The following RTTN variants were observed in gnomAD, a reference collection of about 807,000 sequenced individuals.
RTTN encodes rotatin.
Under a neutral mutation model 269.2 loss-of-function variants are expected in RTTN, and 182 were observed. The ratio of observed to expected loss-of-function variants is 0.68; its 90% confidence interval spans 0.60 to 0.76. The LOEUF (loss-of-function observed/expected upper bound fraction) is 0.76. Among genes scored for constraint, RTTN ranks in the 30% least tolerant of loss-of-function variants. The pLI, the probability that RTTN is intolerant of heterozygous loss-of-function variation, is 0.00. For synonymous variants in RTTN, 1,006 were observed against 963.5 expected (o/e 1.04, Z -0.82); for missense variants, 2,545 against 2,608.6 (o/e 0.98, Z 0.53).
chr18:70,189,537 C>A (rs968544082), intron 9 of RTTN, among the ~76,000 whole-genome samples: 11 of 152,108 alleles, frequency 7.2e-5, no homozygotes, highest in African/African-American at 2.7e-4. Context: ...TGACTGTTTT[C>A]TTTCTAAAAC....
At chr18:70,145,529 A>T (rs1320097863) in intron 18 of RTTN, 83 bp downstream of exon 18, 1 of 1,096,664 alleles carries the variant, frequency 9.1e-7, no homozygotes, top group East Asian at 2.6e-5. Context: ...GGACATACAC[A>T]AACTGAAGAA....
In RTTN at chr18:70,197,600, A is replaced by G. The variant is rs551371253; in HGVS notation, c.693+24T>C. 28 of 1,468,066 alleles carry G rather than the reference A, an allele frequency of 1.9e-5. No individual in the cohort carries two copies. In the Admixed American group the frequency reaches 2.9e-4, roughly 15 times the overall value. The allele number at this position is 1,468,066 out of a possible 1,614,324, so 90.9% of individuals were successfully genotyped here. ...CAAAAAGTTCTCTAGTTCAAAATCT[A>G]AAACAATTATAGAGGGCACTGACCT... On this transcript the variant is annotated intron_variant, in intron 6 of 48. Coordinates refer to ENST00000640769, the MANE Select transcript of RTTN (RefSeq NM_173630.4).
At chr18:70,141,265 TCAAAG>T (rs1156250007) in intron 19 of RTTN, among the ~76,000 whole-genome samples, 1 of 152,056 alleles carries the variant, frequency 6.6e-6, no homozygotes, top group African/African-American at 2.4e-5. Flanking sequence ...TTACATAAAC[TCAAAG>T]TTATCATTTC....
At chr18:70,119,152 T>C (rs1003193625) in intron 26 of RTTN, among the ~76,000 whole-genome samples, 10 of 152,056 alleles carry the variant, frequency 6.6e-5, no homozygotes, top group Admixed American at 2.0e-4. Context: ...TGTCCCTCTA[T>C]GCTGATGATA....
chr18:70,032,265 C>T (rs1464940789), intron 40 of RTTN, among the ~76,000 whole-genome samples: 1 of 152,186 alleles, frequency 6.6e-6, no homozygotes, highest in Non-Finnish European at 1.5e-5. Context: ...GAGCCCGAGC[C>T]TAGCCACACC....
chr18:70,052,407 A>G (rs2057695668), intron 38 of RTTN, among the ~76,000 whole-genome samples: 1 of 152,122 alleles, frequency 6.6e-6, no homozygotes, highest in African/African-American at 2.4e-5. Context: ...TGCCATCCCC[A>G]CAAGATTTTA....
intron 46 of RTTN, among the ~76,000 whole-genome samples, chr18:70,012,796 G>A (rs1472708709): frequency 6.6e-6 from 1 of 152,192 alleles, no homozygotes; most frequent in East Asian, 1.9e-4. Context: ...TTAGTTAGAT[G>A]GCAGTGTCTA....
At chr18:70,013,611 G>A (rs529230044) in intron 46 of RTTN, among the ~76,000 whole-genome samples, 1 of 152,222 alleles carries the variant, frequency 6.6e-6, no homozygotes, top group Admixed American at 6.5e-5. Flanking sequence ...GTAGTAAAAT[G>A]TAAATAATGA....
intron 27 of RTTN, 108 bp from the exon 28 acceptor site, chr18:70,109,825 A>G: frequency 3.6e-6 from 3 of 828,392 alleles, no homozygotes; most frequent in Non-Finnish European, 3.8e-6. Flanking sequence ...ATAGAAAAAA[A>G]TGAACCAGAC....
intron 28 of RTTN, among the ~76,000 whole-genome samples, chr18:70,096,674 C>T (rs1031970214): frequency 2.0e-5 from 3 of 152,192 alleles, no homozygotes; most frequent in Non-Finnish European, 2.9e-5. Context: ...CTGGAAGCTT[C>T]GTCCCAGAGG....
intron 40 of RTTN, among the ~76,000 whole-genome samples, chr18:70,039,838 G>C (rs2057288343): frequency 6.6e-6 from 1 of 152,094 alleles, no homozygotes; most frequent in South Asian, 2.1e-4. Flanking sequence ...TTAAAGTGTA[G>C]AGTTTTTATT....
chr18:70,139,046 A>ATT (rs1403456027), intron 21 of RTTN: 5 of 152,084 alleles, frequency 3.3e-5, no homozygotes, highest in African/African-American at 1.2e-4. Flanking sequence ...ACTACATGAA[A>ATT]CGTGTTCATC....
intron 46 of RTTN, 107 bp from the exon 47 acceptor site, chr18:70,006,591 T>C (rs1480069877): frequency 1.1e-5 from 9 of 814,608 alleles, no homozygotes; most frequent in Non-Finnish European, 1.9e-5. Flanking sequence ...AATGCATACA[T>C]AAAGTTGGTA....
intron 25 of RTTN, 90 bp downstream of exon 25, chr18:70,127,412 G>A: frequency 6.9e-7 from 1 of 1,440,994 alleles, no homozygotes. Context: ...AGCAGTAAGG[G>A]CATAGACTCT....
At chr18:70,080,861 T>C (rs113826804) in intron 32 of RTTN, among the ~76,000 whole-genome samples, 10 of 151,420 alleles carry the variant, frequency 6.6e-5, no homozygotes, top group African/African-American at 2.4e-4. Context: ...CAATTTGCAA[T>C]TGCAAAAATG....
intron 34 of RTTN, among the ~76,000 whole-genome samples, chr18:70,072,036 T>G (rs1394995574): frequency 2.6e-5 from 4 of 152,182 alleles, no homozygotes. Flanking sequence ...TTGGTCGAAG[T>G]ACTGACAGCT....
intron 40 of RTTN, among the ~76,000 whole-genome samples, chr18:70,042,156 G>A (rs1018252916): frequency 1.3e-5 from 2 of 151,632 alleles, no homozygotes; most frequent in Non-Finnish European, 2.9e-5. Flanking sequence ...CAAATGTACA[G>A]AGCATACAAA....
intron 38 of RTTN, among the ~76,000 whole-genome samples, chr18:70,053,903 C>T (rs1278218170): frequency 1.3e-5 from 2 of 152,182 alleles, no homozygotes; most frequent in South Asian, 2.1e-4. Flanking sequence ...GAGAGCTTTG[C>T]CCTCATTTAA....
Position 70,006,365 on chromosome 18 carries a change from G to T in RTTN, c.6525+16C>A. 1 of 1,591,220 alleles carries T rather than the reference G, an allele frequency of 6.3e-7. No homozygotes were observed. Among genetic ancestry groups the T allele is most frequent in the Non-Finnish European group, 8.6e-7 (1 of 1,159,236 alleles). On this transcript the variant is annotated intron_variant, in intron 47 of 48. Transcript: ENST00000640769. ...TTGTTTGCTCCCCAGGTGTAACAATGATTTTTAAAACTGACCTTCTGATAA... is the reference window on the plus strand; with the variant it reads ...TTGTTTGCTCCCCAGGTGTAACAATTATTTTTAAAACTGACCTTCTGATAA...
Sources: allele counts gnomAD v4.1 joint callset (sites outside exome capture counted in the v4.1 genomes callset), GRCh38; gene constraint gnomAD v4.1.1; transcripts MANE v1.5; gene names NCBI Gene and HGNC (gene_info 2026-07-23, HGNC 2026-07-21).